The following MALRD1 variants were observed in gnomAD, a reference collection of about 807,000 sequenced individuals.
MALRD1 encodes MAM and LDL receptor class A domain containing 1.
MALRD1 carries 247 observed loss-of-function variants against 242.1 expected under a neutral mutation model. The ratio of observed to expected loss-of-function variants is 1.02; its 90% CI spans 0.92 to 1.13. The LOEUF (loss-of-function observed/expected upper bound fraction) is 1.13, where lower values mean the gene tolerates loss of function less well. Ranked by LOEUF, MALRD1 falls within the 50% of genes most tolerant of loss-of-function variation. The probability of loss-of-function intolerance (pLI) is 0.00; values close to 1 mark genes in which losing one functional copy is unlikely to be tolerated. For synonymous variants in MALRD1, 995 were observed against 866.6 expected (o/e 1.15, Z -2.60); for missense variants, 2,989 against 2,533.1 (o/e 1.18, Z -3.86).
chr10:19,579,340 T>A (rs1341021105), intron 33 of MALRD1, among the ~76,000 whole-genome samples: 1 of 152,182 alleles, frequency 6.6e-6, no homozygotes, highest in African/African-American at 2.4e-5. Context: ...CAGATAAAAC[T>A]GTTGTTCCCA....
Position 19,501,102 on chromosome 10 carries a change from C to A in MALRD1, c.5320+2456C>A, listed in dbSNP as rs548517351. On this transcript the variant is annotated intron_variant, in intron 31 of 39. Coordinates refer to ENST00000454679, the MANE Select transcript of MALRD1 (RefSeq NM_001142308.3). ...GTAAATAGGCTGGTCAAATTAGACC[C>A]TGCACAGAAATGCCATTCAACAAGA... is the stretch of plus-strand genomic sequence containing the variant. 9.9e-5 allele frequency among the ~76,000 whole-genome samples: 15 copies of A among 152,206 alleles called. No individual in the cohort carries two copies. In the South Asian group the frequency reaches 1.2e-3, roughly 13 times the overall value.
chr10:19,502,763 C>T (rs1838033771), intron 31 of MALRD1, among the ~76,000 whole-genome samples: 1 of 152,150 alleles, frequency 6.6e-6, no homozygotes, highest in Admixed American at 6.5e-5. Context: ...TTGAAAACTA[C>T]AGAGCATGTC....
chr10:19,209,351 C>G lies in MALRD1; in HGVS notation c.2662C>G (p.Gln888Glu). The change falls in exon 18 of 40, where the codon CAG (glutamine) becomes GAG (glutamate). Residue 888 changes from glutamine (Q) to glutamate (E), a missense_variant. Gln to Glu is a conservative substitution (Grantham distance 29). Transcript: ENST00000454679. ...AGATGACTTTGATTGGACCAGGAGC[C>G]AGGGTCCAACTCCAACACTTAACAC... is the stretch of plus-strand genomic sequence containing the variant. ...AKDDFDWTRS[Q>E]GPTPTLNTGP... The G allele has an allele frequency of 6.4e-7, 1 of 1,550,716 alleles. No homozygotes were observed. Among genetic ancestry groups the G allele is most frequent in the South Asian group, 1.2e-5 (1 of 84,050 alleles).
intron 36 of MALRD1, among the ~76,000 whole-genome samples, chr10:19,655,865 C>T (rs1841132806): frequency 6.6e-6 from 1 of 151,982 alleles, no homozygotes; most frequent in Non-Finnish European, 1.5e-5. Flanking sequence ...GAGTAAGTAT[C>T]TGGGTCTGAT....
chr10:19,516,309 G>A (rs536758815), intron 31 of MALRD1, among the ~76,000 whole-genome samples: 1 of 152,224 alleles, frequency 6.6e-6, no homozygotes, highest in South Asian at 2.1e-4. Flanking sequence ...GCCAATGTAA[G>A]AGAACTCTTT....
At chr10:19,406,489 C>T (rs1007225991) in intron 28 of MALRD1, among the ~76,000 whole-genome samples, 19 of 152,152 alleles carry the variant, frequency 1.2e-4, no homozygotes, top group African/African-American at 4.1e-4. Context: ...AGCTGGGCCT[C>T]GATGAGATCC....
At chr10:19,096,933 C>T (rs1025381160) in intron 4 of MALRD1, among the ~76,000 whole-genome samples, 3 of 152,272 alleles carry the variant, frequency 2.0e-5, no homozygotes, top group Admixed American at 6.5e-5. Context: ...CTAGGTCTCT[C>T]CTTTAATGAA....
At chr10:19,235,123 A>G (rs1315456274) in intron 18 of MALRD1, among the ~76,000 whole-genome samples, 3 of 152,164 alleles carry the variant, frequency 2.0e-5, no homozygotes, top group African/African-American at 7.2e-5. Context: ...CCTGCAGGCC[A>G]TGGGAGTCAC....
At chr10:19,130,592 A>G (rs1423842447) in intron 8 of MALRD1, among the ~76,000 whole-genome samples, 1 of 152,106 alleles carries the variant, frequency 6.6e-6, no homozygotes, top group African/African-American at 2.4e-5. Context: ...GATTATTTTA[A>G]TCTGCTCTGA....
intron 8 of MALRD1, among the ~76,000 whole-genome samples, chr10:19,130,424 C>T (rs1387627905): frequency 2.6e-5 from 4 of 152,116 alleles, no homozygotes; most frequent in East Asian, 1.9e-4. Context: ...AGAATAATTT[C>T]GATGAGTTTA....
intron 26 of MALRD1, among the ~76,000 whole-genome samples, chr10:19,356,201 A>G (rs1844631426): frequency 6.6e-6 from 1 of 151,946 alleles, no homozygotes; most frequent in South Asian, 2.1e-4. Flanking sequence ...ATATATATGA[A>G]GTTACAGAAC....
intron 28 of MALRD1, among the ~76,000 whole-genome samples, chr10:19,421,476 G>A (rs1244567118): frequency 4.6e-5 from 7 of 152,174 alleles, no homozygotes; most frequent in African/African-American, 1.7e-4. Flanking sequence ...CTGCAGTGAA[G>A]TAAGTATGAG....
At chr10:19,145,880 T>C (rs937067414) in intron 10 of MALRD1, among the ~76,000 whole-genome samples, 3 of 152,120 alleles carry the variant, frequency 2.0e-5, no homozygotes, top group Non-Finnish European at 4.4e-5. Context: ...TCAGCAGGTT[T>C]ATACTGGGCA....
At chr10:19,590,201 A>T (rs1837691243) in intron 33 of MALRD1, among the ~76,000 whole-genome samples, 1 of 151,240 alleles carries the variant, frequency 6.6e-6, no homozygotes, top group African/African-American at 2.4e-5. Context: ...AAAATCATCA[A>T]ACATGAGGTG....
chr10:19,154,231 T>C (rs1834045925), intron 11 of MALRD1, among the ~76,000 whole-genome samples: 1 of 152,236 alleles, frequency 6.6e-6, no homozygotes, highest in Non-Finnish European at 1.5e-5. Flanking sequence ...CATCCTTGGT[T>C]GTTTGGTTAA....
intron 8 of MALRD1, among the ~76,000 whole-genome samples, chr10:19,133,122 A>C (rs1011376899): frequency 6.6e-6 from 1 of 152,070 alleles, no homozygotes; most frequent in Non-Finnish European, 1.5e-5. Flanking sequence ...TATTTTTAGT[A>C]GAGATGGAGT....
chr10:19,371,376 A>G (rs1845368473), intron 26 of MALRD1, among the ~76,000 whole-genome samples: 1 of 152,228 alleles, frequency 6.6e-6, no homozygotes, highest in African/African-American at 2.4e-5. Context: ...AGTATGAGGA[A>G]GTTTCCTTCC....
At chr10:19,445,177 T>G (rs2483078) in intron 28 of MALRD1, among the ~76,000 whole-genome samples, 1 of 152,034 alleles carries the variant, frequency 6.6e-6, no homozygotes, top group Non-Finnish European at 1.5e-5. Context: ...AAGGTCTTAT[T>G]TATGCTGTTT....
intron 36 of MALRD1, among the ~76,000 whole-genome samples, chr10:19,664,828 T>G (rs989356920): frequency 1.3e-5 from 2 of 152,116 alleles, no homozygotes; most frequent in African/African-American, 2.4e-5. Context: ...TTGTTAACCA[T>G]TGGAATGCTT....
Sources: gnomAD v4.1 joint callset for allele counts (sites outside exome capture counted in the v4.1 genomes callset) on GRCh38, gnomAD v4.1.1 for gene constraint, MANE v1.5 for transcripts, NCBI Gene and HGNC (gene_info 2026-07-23, HGNC 2026-07-21) for gene names.